Variants in ITGAE observed in about 807,000 individuals in gnomAD.
ITGAE encodes integrin subunit alpha E, also known as integrin alpha-E.
A neutral mutation model predicts 136.5 loss-of-function variants in ITGAE; 99 were observed. The ratio of observed to expected loss-of-function variants is 0.73; its 90% CI spans 0.62 to 0.86. ITGAE has a LOEUF of 0.86. Among genes scored for constraint, ITGAE ranks in the 40% least tolerant of loss-of-function variants. The pLI, the probability that ITGAE is intolerant of heterozygous loss-of-function variation, is 0.00. For synonymous variants in ITGAE, 613 were observed against 591.8 expected (o/e 1.04, Z -0.52); for missense variants, 1,447 against 1,515.3 (o/e 0.95, Z 0.75).
At chr17:3,764,873 CAGG>C (rs1017835753) in intron 2 of ITGAE, among the ~76,000 whole-genome samples, 1 of 152,260 alleles carries the variant, frequency 6.6e-6, no homozygotes, top group African/African-American at 2.4e-5. Flanking sequence ...CCACGTTACC[CAGG>C]AGAACTGGGC....
chr17:3,759,236 T>C (rs1259351325), intron 8 of ITGAE, among the ~76,000 whole-genome samples, 166 bp downstream of exon 8: 1 of 152,214 alleles, frequency 6.6e-6, no homozygotes. Context: ...GGAAGACTTT[T>C]TGGAGGACAG....
chr17:3,759,342 G>C, intron 8 of ITGAE, 60 bp downstream of exon 8: 1 of 1,579,770 alleles, frequency 6.3e-7, no homozygotes, highest in Non-Finnish European at 8.7e-7. Context: ...CTTCCTCCAT[G>C]AGTGATGCCA....
intron 20 of ITGAE, among the ~76,000 whole-genome samples, chr17:3,737,036 G>A (rs191335559): frequency 3.3e-5 from 5 of 150,286 alleles, no homozygotes; most frequent in Admixed American, 3.3e-4. Context: ...GCTCACGCCT[G>A]TAATCCCAGC....
At chr17:3,770,731 C>G (rs2052401088) in intron 2 of ITGAE, among the ~76,000 whole-genome samples, 1 of 152,216 alleles carries the variant, frequency 6.6e-6, no homozygotes, top group East Asian at 1.9e-4. Context: ...GGGAGCCCCT[C>G]TCTGCTTCAG....
intron 2 of ITGAE, among the ~76,000 whole-genome samples, 171 bp downstream of exon 2, chr17:3,777,369 A>G (rs1439021376): frequency 6.6e-6 from 1 of 152,220 alleles, no homozygotes; most frequent in Admixed American, 6.5e-5. Context: ...CCCGATGCCC[A>G]CAGCCTCTCT....
chr17:3,734,721 G>A (rs2051422932), intron 21 of ITGAE, 96 bp downstream of exon 21: 6 of 1,472,980 alleles, frequency 4.1e-6, no homozygotes, highest in Middle Eastern at 2.3e-4. Flanking sequence ...GGAGGCTGGA[G>A]GCAGGGGTGC....
chr17:3,753,418 A>T lies in ITGAE; in HGVS notation c.1540T>A (p.Phe514Ile). Residue 514 changes from phenylalanine to isoleucine, a missense_variant, in exon 14 of 31, where the codon TTT (phenylalanine) becomes ATT (isoleucine). By Grantham distance (21) the Phe-to-Ile change is conservative. Coordinates refer to ENST00000263087, the MANE Select transcript of ITGAE (RefSeq NM_002208.5). ...VLEGEQMGSYFGSELCPVDID... is the reference protein window; with the variant it reads ...VLEGEQMGSYIGSELCPVDID... ...TCCACAGGGCACAGCTCAGAGCCAA[A>T]ATAGGACCCCATCTACAGCCCGGGA... The T allele has an allele frequency of 6.2e-7, 1 of 1,613,958 alleles. No homozygotes were observed.
chr17:3,793,627 C>A (rs1042679198), intron 1 of ITGAE, among the ~76,000 whole-genome samples: 1 of 152,196 alleles, frequency 6.6e-6, no homozygotes, highest in Non-Finnish European at 1.5e-5. Context: ...GGCCACTCTC[C>A]CAGCACCTAC....
chr17:3,724,124 T>TGACGATCCC (rs1239655786), intron 26 of ITGAE: 21 of 1,594,728 alleles, frequency 1.3e-5, no homozygotes, highest in East Asian at 6.7e-5. Context: ...CCGACGATCC[T>TGACGATCCC]GACGATCCCG....
In ITGAE at chr17:3,753,779, G is replaced by C. The variant is rs752060300; in HGVS notation, c.1527+4C>G. On this transcript the variant is annotated splice_donor_region_variant and intron_variant, in intron 13 of 30. Coordinates refer to ENST00000263087, the MANE Select transcript of ITGAE (RefSeq NM_002208.5). ...AAGGGGTGGAGGCTTTCCCCAGCAG[G>C]TACCTGCTCTCCCTCCAGCACTGGC... 1 of 1,613,988 alleles carries C rather than the reference G, an allele frequency of 6.2e-7. No individual in the cohort carries two copies. Among genetic ancestry groups the C allele is most frequent in the East Asian group, 2.2e-5 (1 of 44,890 alleles).
At chr17:3,731,644 G>A (rs967389231) in intron 22 of ITGAE, among the ~76,000 whole-genome samples, 7 of 150,868 alleles carry the variant, frequency 4.6e-5, no homozygotes, top group Non-Finnish European at 8.9e-5. Context: ...GCCTGGCCCC[G>A]TTATTTCAGT....
chr17:3,755,091 C>CCCTCATCAGGTGGCCCCGT (rs2051982242), intron 12 of ITGAE, 26 bp downstream of exon 12: 5 of 1,571,532 alleles, frequency 3.2e-6, no homozygotes, highest in Non-Finnish European at 2.6e-6. Context: ...GGTGGCCCCG[C>CCCTCATCAGGTGGCCCCGT]CCTCATCAGG....
intron 29 of ITGAE, among the ~76,000 whole-genome samples, chr17:3,718,870 C>T (rs369372633): frequency 3.5e-4 from 54 of 152,200 alleles, no homozygotes; most frequent in African/African-American, 1.3e-3. Context: ...CTGGGCAGTG[C>T]AATAATGGGG....
intron 26 of ITGAE, chr17:3,726,148 C>A: frequency 6.2e-7 from 1 of 1,614,154 alleles, no homozygotes; most frequent in East Asian, 2.2e-5. Context: ...GAATATCACC[C>A]TTATAGTAAT....
rs116492035 is a variant in ITGAE at position 3,783,608 on chromosome 17, A to G, written c.35-5948T>C. On this transcript the variant is annotated intron_variant, in intron 1 of 30. Coordinates refer to ENST00000263087, the MANE Select transcript of ITGAE (RefSeq NM_002208.5). ...TTTTCCTAACAGTAAAAGTCATTTGAGTATCTTTGGTTGGCTGGAATGCAT... is the reference window on the plus strand; with the variant it reads ...TTTTCCTAACAGTAAAAGTCATTTGGGTATCTTTGGTTGGCTGGAATGCAT... Among the ~76,000 whole-genome samples, 644 of 152,296 alleles carry G rather than the reference A, an allele frequency of 4.2e-3. 5 individuals carry two copies. Among genetic ancestry groups the G allele is most frequent in the African/African-American group, 0.015 (613 of 41,556 alleles).
chr17:3,740,668 G>A (rs760253766), intron 19 of ITGAE, among the ~76,000 whole-genome samples: 4 of 152,208 alleles, frequency 2.6e-5, no homozygotes, highest in East Asian at 1.9e-4. Flanking sequence ...GAGCCACCGC[G>A]CCCGGCCTGG....
chr17:3,761,689 C>T (rs1370544559), intron 4 of ITGAE, among the ~76,000 whole-genome samples, 169 bp from the exon 5 acceptor site: 4 of 152,162 alleles, frequency 2.6e-5, no homozygotes, highest in Non-Finnish European at 4.4e-5. Flanking sequence ...GCATCAAGGC[C>T]GAGGCCGACA....
At chr17:3,785,712 C>A (rs2052776951) in intron 1 of ITGAE, among the ~76,000 whole-genome samples, 1 of 151,272 alleles carries the variant, frequency 6.6e-6, no homozygotes, top group Admixed American at 6.6e-5. Flanking sequence ...AGCAAACCAA[C>A]TTACAGTAGA....
In ITGAE at chr17:3,757,024, C is replaced by T. The variant is rs1478215290; in HGVS notation, c.1131G>A (p.Gly377=). ...FKVTNYMALD[G]LLSKLRYNII... ...TGTTGTACCGCAGTTTGCTCAGCAG[C>T]CCATCCAGCGCCATGTAGTTGGTCA... is the stretch of plus-strand genomic sequence containing the variant. The change falls in exon 10 of 31, where the codon GGG becomes GGA. Residue 377 remains glycine, a synonymous_variant. Transcript: ENST00000263087. The T allele has an allele frequency of 1.2e-6, 2 of 1,614,206 alleles. No homozygotes were observed. The highest frequency in any genetic ancestry group is 3.3e-5 in the Admixed American group (2 of 60,014).
Sources: allele counts gnomAD v4.1 joint callset (sites outside exome capture counted in the v4.1 genomes callset), GRCh38; gene constraint gnomAD v4.1.1; transcripts MANE v1.5; gene names NCBI Gene and HGNC (gene_info 2026-07-23, HGNC 2026-07-21).